SLC25A12: variants seen among roughly 807,000 people sequenced by gnomAD.
SLC25A12 encodes the protein solute carrier family 25 member 12, also known as electrogenic aspartate/glutamate antiporter SLC25A12, mitochondrial.
SLC25A12 carries 32 observed loss-of-function variants against 83.3 expected under a neutral mutation model. The ratio of observed to expected loss-of-function variants is 0.38; its 90% CI spans 0.29 to 0.52. The LOEUF (loss-of-function observed/expected upper bound fraction) is 0.52, where lower values mean the gene tolerates loss of function less well. Ranked by LOEUF, SLC25A12 falls within the 20% of genes least tolerant of loss-of-function variation. SLC25A12 has a pLI of 0.84. For missense variants in SLC25A12, 611 were observed against 835.6 expected, an observed-to-expected ratio of 0.73 and a Z score of 3.31; for synonymous variants, 267 against 291.1, an observed-to-expected ratio of 0.92 and a Z score of 0.84.
chr2:171,794,716 T>C (rs1683561889), intron 13 of SLC25A12, among the ~76,000 whole-genome samples: 1 of 152,122 alleles, frequency 6.6e-6, no homozygotes, highest in South Asian at 2.1e-4. Context: ...TTTCATGAAA[T>C]GAAAAATCCC....
chr2:171,794,851 G>C (rs1355227884), intron 13 of SLC25A12, among the ~76,000 whole-genome samples: 2 of 151,336 alleles, frequency 1.3e-5, no homozygotes, highest in African/African-American at 2.4e-5. Context: ...ATGAAATCTG[G>C]GGCACTGTAA....
rs184035078 is a variant in SLC25A12, at chr2:171,850,660, C to T, written c.325+5174G>A. The stretch of plus-strand genomic sequence containing the variant: ...GATTACAGGCATGAGCCACTGCACC[C>T]GGCCCAGCCAGGCTGGTCTTGAACT... On this transcript the variant is annotated intron_variant, in intron 4 of 17. Transcript: ENST00000422440. 2.5e-3 allele frequency among the ~76,000 whole-genome samples: 370 copies of T among 150,730 alleles called. 2 individuals carry two copies. Among genetic ancestry groups the T allele is most frequent in the Middle Eastern group, 3.4e-3 (1 of 292 alleles).
intron 4 of SLC25A12, among the ~76,000 whole-genome samples, chr2:171,846,070 A>G (rs551683723): frequency 2.1e-4 from 32 of 152,316 alleles, no homozygotes; most frequent in Non-Finnish European, 4.1e-4. Flanking sequence ...TAAAGATAGC[A>G]GAAAATATTT....
chr2:171,882,913 G>A (rs901323815), intron 2 of SLC25A12, among the ~76,000 whole-genome samples: 1 of 152,200 alleles, frequency 6.6e-6, no homozygotes, highest in Non-Finnish European at 1.5e-5. Flanking sequence ...TCCAGACTGA[G>A]CGAATGAAGT....
chr2:171,866,876 C>A (rs573784486), intron 3 of SLC25A12, among the ~76,000 whole-genome samples: 2 of 149,766 alleles, frequency 1.3e-5, no homozygotes, highest in Non-Finnish European at 3.0e-5. Context: ...ACTTCCCAGA[C>A]GGGGCGGCTG....
In SLC25A12 at chr2:171,815,107, G is replaced by C; in HGVS notation, c.1012+14C>G. The C allele has an allele frequency of 6.2e-7, 1 of 1,606,582 alleles. No individual in the cohort carries two copies. The highest frequency in any genetic ancestry group is 8.5e-7 in the Non-Finnish European group (1 of 1,173,276). Reference sequence around the variant, plus strand: ...TAACACAAGCCTCAAACAGCACACAGACATGTCACTCACCTCCAGCAACTG... The same window carrying C: ...TAACACAAGCCTCAAACAGCACACACACATGTCACTCACCTCCAGCAACTG... On this transcript the variant is annotated intron_variant, in intron 10 of 17. Transcript: ENST00000422440.
chr2:171,877,054 C>A (rs1685588649), intron 2 of SLC25A12, among the ~76,000 whole-genome samples: 1 of 152,108 alleles, frequency 6.6e-6, no homozygotes, highest in Admixed American at 6.5e-5. Flanking sequence ...TTTAAATTTA[C>A]ATTGAGTATA....
chr2:171,886,517 T>G (rs1685823030), intron 2 of SLC25A12, among the ~76,000 whole-genome samples: 1 of 151,520 alleles, frequency 6.6e-6, no homozygotes, highest in Non-Finnish European at 1.5e-5. Context: ...ATATTCTTTT[T>G]TTTTTGTTTT....
chr2:171,835,448 T>C (rs1684534335), intron 6 of SLC25A12, among the ~76,000 whole-genome samples: 1 of 152,146 alleles, frequency 6.6e-6, no homozygotes, highest in Non-Finnish European at 1.5e-5. Flanking sequence ...ATGTAGAAAA[T>C]CTGGAGAGAA....
intron 2 of SLC25A12, among the ~76,000 whole-genome samples, chr2:171,888,462 C>G (rs1685869109): frequency 6.6e-6 from 1 of 151,658 alleles, no homozygotes; most frequent in South Asian, 2.1e-4. Context: ...TTTTTTGAGA[C>G]AGTGAGTCTC....
Position 171,785,320 on chromosome 2 carries a change from C to T in SLC25A12, c.1991G>A (p.Ser664Asn). 3.7e-6 allele frequency: 6 copies of T among 1,614,194 alleles called. No homozygotes were observed. Among genetic ancestry groups the T allele is most frequent in the South Asian group, 2.2e-5 (2 of 91,082 alleles). Residue 664 changes from serine (S) to asparagine (N), a missense_variant, in exon 18 of 18, where the codon AGT (serine) becomes AAT (asparagine). Physicochemically the swap from Ser to Asn is conservative, Grantham distance 46. Around this residue, in one of 3 missense-constraint regions of SLC25A12, gnomAD observed 37 missense variants for 35.1 expected, o/e 1.05. Transcript: ENST00000422440. ...TGCCTTTGGCTGAACCACAGCAACACTAGGAGACTTAAATTTCGGGAGATA... is the reference window on the plus strand; with the variant it reads ...TGCCTTTGGCTGAACCACAGCAACATTAGGAGACTTAAATTTCGGGAGATA... Reference protein sequence around the residue: ...GLYLPKFKSPSVAVVQPKAAV... With the variant: ...GLYLPKFKSPNVAVVQPKAAV...
chr2:171,851,031 G>T (rs1684916238), intron 4 of SLC25A12, among the ~76,000 whole-genome samples: 1 of 152,198 alleles, frequency 6.6e-6, no homozygotes, highest in Non-Finnish European at 1.5e-5. Flanking sequence ...CAGTCAGAGG[G>T]TGAGGATGTG....
intron 6 of SLC25A12, among the ~76,000 whole-genome samples, chr2:171,835,671 T>C (rs552802872): frequency 1.3e-5 from 2 of 152,342 alleles, no homozygotes; most frequent in Admixed American, 6.5e-5. Flanking sequence ...ACCCATATGA[T>C]TGAAAACATT....
At chr2:171,844,989 T>C (rs746347763) in intron 4 of SLC25A12, among the ~76,000 whole-genome samples, 2 of 152,140 alleles carry the variant, frequency 1.3e-5, no homozygotes, top group Non-Finnish European at 1.5e-5. Flanking sequence ...CTATTGAAGA[T>C]AGGTATAAGA....
intron 2 of SLC25A12, chr2:171,871,818 G>C: frequency 1.2e-6 from 1 of 840,744 alleles, no homozygotes; most frequent in Non-Finnish European, 1.4e-6. Flanking sequence ...CAAAGCATTT[G>C]AGAGGTGGGA....
chr2:171,859,478 A>G lies in SLC25A12; in HGVS notation c.210-3529T>C, dbSNP rs78609408. On this transcript the variant is annotated intron_variant, in intron 3 of 17. Coordinates refer to ENST00000422440, the MANE Select transcript of SLC25A12 (RefSeq NM_003705.5). ...CAGAGTGAGACTCTATCTCTAAAAA[A>G]TAAATCAACTGAGTACATTATTCAG... Among the ~76,000 whole-genome samples, 1,422 of 152,342 alleles carry G rather than the reference A, an allele frequency of 9.3e-3. 20 individuals are homozygous for G. The highest frequency in any genetic ancestry group is 0.032 in the African/African-American group (1,340 of 41,576).
At position 171,829,600 on chromosome 2, in the gene SLC25A12, C is replaced by T. The variant is rs989498893; in HGVS notation, c.846-2718G>A. ...TATCCCTTAGGGAAGCAGCAGGAGC[C>T]GAGGGGCTGGTCTGAGTGTAGGTCC... On this transcript the variant is annotated intron_variant, in intron 8 of 17. Coordinates refer to ENST00000422440, the MANE Select transcript of SLC25A12 (RefSeq NM_003705.5). Among the ~76,000 whole-genome samples the T allele has an allele frequency of 5.9e-5, 9 of 152,088 alleles. No individual in the cohort carries two copies. In the South Asian group the frequency reaches 1.0e-3, roughly 18 times the overall value.
intron 2 of SLC25A12, among the ~76,000 whole-genome samples, chr2:171,871,322 T>C (rs1007743498): frequency 1.6e-4 from 25 of 152,170 alleles, no homozygotes; most frequent in African/African-American, 5.1e-4. Context: ...CCCAACACTT[T>C]GGGATGCCAA....
At chr2:171,838,130 T>C (rs986494937) in intron 5 of SLC25A12, among the ~76,000 whole-genome samples, 7 of 152,224 alleles carry the variant, frequency 4.6e-5, no homozygotes, top group Admixed American at 3.9e-4. Flanking sequence ...TCACACTCTT[T>C]GCAACTCTGT....
Sources: gnomAD v4.1 joint callset for allele counts (sites outside exome capture counted in the v4.1 genomes callset) on GRCh38, gnomAD v4.1.1 for gene constraint, gnomAD v4.1.1 regional missense constraint, MANE v1.5 for transcripts, NCBI Gene and HGNC (gene_info 2026-07-23, HGNC 2026-07-21) for gene names.